Variants in DNAH12 observed in about 807,000 individuals in gnomAD.
DNAH12 encodes axonemal beta dynein heavy chain 12.
In DNAH12, 285 loss-of-function variants were observed where a neutral mutation model predicts 371.5. That is an observed-to-expected ratio of 0.77 (90% CI 0.70 to 0.85). The LOEUF is 0.85. Ranked by LOEUF, DNAH12 falls within the 40% of genes least tolerant of loss-of-function variation. The pLI is 0.00. For synonymous variants in DNAH12, 1,200 were observed against 1,213.0 expected (o/e 0.99, Z 0.22); for missense variants, 3,611 against 3,689.4 (o/e 0.98, Z 0.55).
chr3:57,497,548 G>C (rs901345058), intron 11 of DNAH12, among the ~76,000 whole-genome samples: 1 of 152,168 alleles, frequency 6.6e-6, no homozygotes, highest in Admixed American at 6.6e-5. Context: ...AAAAACACCT[G>C]AACAGTGACC....
Position 57,309,743 on chromosome 3 carries a change from C to T in DNAH12, c.11008G>A (p.Gly3670Arg), listed in dbSNP as rs780350232. 2 of 1,551,120 alleles carry T rather than the reference C, an allele frequency of 1.3e-6. No individual in the cohort carries two copies. Among genetic ancestry groups the T allele is most frequent in the South Asian group, 2.4e-5 (2 of 83,948 alleles). ...GAGGCTCCTGTCTGTTTGGAGCCTC[C>T]CTGGGTGAGGAGCAAGGACTCAAAG... ...TLFESLLLTQ[G>R]GSKQTGASGS... Residue 3670 changes from glycine (G) to arginine (R), a missense_variant, in exon 68 of 74, where the codon GGA (glycine) becomes AGA (arginine). Gly to Arg is a moderately radical substitution (Grantham distance 125). This residue lies in a region of DNAH12 where 2,266 missense variants were observed against 2,236.9 expected (regional missense o/e 1.01). Transcript: ENST00000495027.
chr3:57,446,621 G>A lies in DNAH12; in HGVS notation c.3855C>T (p.Thr1285=), dbSNP rs1256120047. Residue 1285 remains threonine, a synonymous_variant, in exon 26 of 74, where the codon ACC becomes ACT. Transcript: ENST00000495027. ...CAAGAGCTTTAGCCAAGTCCTTGGTGGTTTCGGTTTTTCCTGTGCCTGCTG... is the reference window on the plus strand; with the variant it reads ...CAAGAGCTTTAGCCAAGTCCTTGGTAGTTTCGGTTTTTCCTGTGCCTGCTG... ...EGPAGTGKTE[T]TKDLAKALAV... 4 of 1,550,020 alleles carry A rather than the reference G, an allele frequency of 2.6e-6. No homozygotes were observed. In the South Asian group the frequency reaches 4.8e-5, roughly 19 times the overall value.
At chr3:57,453,160 T>C (rs1381989637) in intron 24 of DNAH12, 87 bp downstream of exon 24, 5 of 1,469,942 alleles carry the variant, frequency 3.4e-6, no homozygotes, top group Non-Finnish European at 4.5e-6. Context: ...AAAAATTCTG[T>C]TGAGAGAAGA....
At chr3:57,496,622 C>T (rs2067332419) in intron 11 of DNAH12, among the ~76,000 whole-genome samples, 1 of 152,028 alleles carries the variant, frequency 6.6e-6, no homozygotes, top group African/African-American at 2.4e-5. Context: ...CAAGGATGCC[C>T]TATGTCACTG....
intron 2 of DNAH12, among the ~76,000 whole-genome samples, chr3:57,531,487 C>T (rs1306806485): frequency 1.3e-5 from 2 of 151,948 alleles, no homozygotes; most frequent in East Asian, 1.9e-4. Flanking sequence ...AGGGGCCAGG[C>T]GTGGTGGCTC....
intron 40 of DNAH12, among the ~76,000 whole-genome samples, chr3:57,407,611 A>G (rs976387125): frequency 2.3e-4 from 35 of 152,132 alleles, no homozygotes; most frequent in Non-Finnish European, 7.3e-5. Flanking sequence ...AAGCTTCTAG[A>G]AAGTGTAGTT....
chr3:57,430,233 C>A (rs983612408), intron 32 of DNAH12, among the ~76,000 whole-genome samples: 1 of 151,994 alleles, frequency 6.6e-6, no homozygotes, highest in Admixed American at 6.6e-5. Flanking sequence ...ATTGCCATTA[C>A]CTTTTTAAAA....
In DNAH12 at chr3:57,301,785, G is replaced by T. The variant is rs533042711; in HGVS notation, c.11344C>A (p.Pro3782Thr). ...AAATCTGTGATGTAACTTCCCAGGG[G>T]CTTAAGGCTTGGGTATGAACGTTTG... ...WAKRSYPSLKPLGSYITDFLA... is the reference protein window; with the variant it reads ...WAKRSYPSLKTLGSYITDFLA... Residue 3782 changes from proline to threonine, a missense_variant, in exon 70 of 74, where the codon CCC becomes ACC. Pro to Thr is a conservative substitution (Grantham distance 38, BLOSUM62 -1). Around this residue, in one of 3 missense-constraint regions of DNAH12, gnomAD observed 2,266 missense variants for 2,236.9 expected, o/e 1.01. Transcript: ENST00000495027. The T allele has an allele frequency of 3.2e-6, 5 of 1,551,232 alleles. No individual in the cohort carries two copies. In the South Asian group the frequency reaches 4.8e-5, roughly 15 times the overall value.
Position 57,530,762 on chromosome 3 carries a change from C to T in DNAH12, c.171-6878G>A, listed in dbSNP as rs536149266. The T allele has an allele frequency of 1.0e-4, 24 of 232,130 alleles. 2 individuals are homozygous for T. In the South Asian group the frequency reaches 1.9e-3, roughly 19 times the overall value. 14.4% of individuals were successfully genotyped at this position (232,130 alleles called of 1,614,324 possible). A position where few individuals can be genotyped will look rare whatever the true frequency, so the allele number is the denominator to read the frequency against. On this transcript the variant is annotated intron_variant, in intron 2 of 73. Coordinates refer to ENST00000495027, the MANE Select transcript of DNAH12 (RefSeq NM_001366028.2). ...TGATCCTTGTTTTGCACCTACATCA[C>T]TTGGAGCCCCAGGAGAAATTCCCCA...
intron 29 of DNAH12, 25 bp downstream of exon 29, chr3:57,444,672 A>T: frequency 6.5e-7 from 1 of 1,546,580 alleles, no homozygotes; most frequent in Non-Finnish European, 8.7e-7. Context: ...TATGCCGAAT[A>T]AGTCATTCTC....
At chr3:57,413,659 T>G (rs1274192898) in intron 39 of DNAH12, 87 bp downstream of exon 39, 1 of 1,365,740 alleles carries the variant, frequency 7.3e-7, no homozygotes, top group Non-Finnish European at 9.8e-7. Context: ...TCCCTAAATA[T>G]CTTGAAAAAT....
intron 2 of DNAH12, among the ~76,000 whole-genome samples, chr3:57,529,210 G>A (rs945991637): frequency 6.6e-6 from 1 of 152,082 alleles, no homozygotes; most frequent in African/African-American, 2.4e-5. Flanking sequence ...TTTTTTTGAT[G>A]TATCTTTGTC....
At chr3:57,540,235 G>C (rs998087803) in intron 2 of DNAH12, among the ~76,000 whole-genome samples, 1 of 151,350 alleles carries the variant, frequency 6.6e-6, no homozygotes, top group African/African-American at 2.4e-5. Context: ...ATTTTTAGTA[G>C]AGACAGGGTT....
chr3:57,403,576 C>T, intron 42 of DNAH12, 75 bp from the exon 43 acceptor site: 1 of 1,332,626 alleles, frequency 7.5e-7, no homozygotes, highest in African/African-American at 1.5e-5. Flanking sequence ...ACTATTGTTT[C>T]ACTTTCCTAG....
intron 59 of DNAH12, 144 bp from the exon 60 acceptor site, chr3:57,352,369 G>A: frequency 1.2e-6 from 1 of 850,438 alleles, no homozygotes; most frequent in Non-Finnish European, 1.7e-6. Flanking sequence ...ATGTAAAACT[G>A]GTGAAATCTG....
At chr3:57,448,862 C>T (rs1278010391) in intron 25 of DNAH12, among the ~76,000 whole-genome samples, 1 of 151,742 alleles carries the variant, frequency 6.6e-6, no homozygotes, top group Admixed American at 6.6e-5. Context: ...CACTCACAAA[C>T]CTTGAGCTAA....
chr3:57,475,486 C>CTAA (rs1371613073), intron 13 of DNAH12, among the ~76,000 whole-genome samples: 1 of 151,934 alleles, frequency 6.6e-6, no homozygotes, highest in Non-Finnish European at 1.5e-5. Context: ...AAAAAGATAC[C>CTAA]TAATAATATA....
chr3:57,535,840 A>ATT (rs11392001), intron 2 of DNAH12, among the ~76,000 whole-genome samples: 27,547 of 131,156 alleles, frequency 0.21, 2,947 homozygotes, highest in African/African-American at 0.25. Flanking sequence ...CCACACCCCA[A>ATT]TTTTTTTTTT....
intron 15 of DNAH12, 135 bp downstream of exon 15, chr3:57,471,337 T>C (rs1200768900): frequency 3.6e-6 from 2 of 555,168 alleles, no homozygotes; most frequent in African/African-American, 2.0e-5. Flanking sequence ...TATGTATATA[T>C]GTAATATATA....
Sources: gnomAD v4.1 joint callset for allele counts (sites outside exome capture counted in the v4.1 genomes callset) on GRCh38, gnomAD v4.1.1 for gene constraint, gnomAD v4.1.1 regional missense constraint, MANE v1.5 for transcripts, NCBI Gene and HGNC (gene_info 2026-07-23, HGNC 2026-07-21) for gene names.